CPNE4: variants seen among roughly 807,000 people sequenced by gnomAD.
CPNE4 encodes copine 4.
CPNE4 carries 25 observed loss-of-function variants against 67.9 expected under a neutral mutation model. That is an observed-to-expected ratio of 0.37 (90% CI 0.27 to 0.51). The LOEUF is 0.51. Among genes scored for constraint, CPNE4 ranks in the 20% least tolerant of loss-of-function variants. The pLI, the probability that CPNE4 is intolerant of heterozygous loss-of-function variation, is 0.93. For synonymous variants in CPNE4, 242 were observed against 244.9 expected (o/e 0.99, Z 0.11); for missense variants, 464 against 690.8 (o/e 0.67, Z 3.68).
At chr3:131,744,906 T>C (rs1214297994) in intron 2 of CPNE4, among the ~76,000 whole-genome samples, 1 of 152,190 alleles carries the variant, frequency 6.6e-6, no homozygotes, top group Non-Finnish European at 1.5e-5. Flanking sequence ...TGTCTACAGA[T>C]TTTCTTGTGA....
chr3:131,723,751 G>A, intron 2 of CPNE4, 126 bp from the exon 3 acceptor site: 1 of 794,378 alleles, frequency 1.3e-6, no homozygotes, highest in Non-Finnish European at 2.0e-6. Context: ...GTCATTGGGT[G>A]GGCAGTCCAA....
chr3:132,025,216 C>G (rs1167495687), intron 1 of CPNE4, among the ~76,000 whole-genome samples: 4 of 152,154 alleles, frequency 2.6e-5, no homozygotes, highest in Non-Finnish European at 4.4e-5. Flanking sequence ...TGCTGGCAGC[C>G]TAAGATCCTT....
chr3:131,831,283 T>C (rs2085358785), intron 2 of CPNE4, among the ~76,000 whole-genome samples: 1 of 152,182 alleles, frequency 6.6e-6, no homozygotes, highest in Non-Finnish European at 1.5e-5. Context: ...GCATTGACAT[T>C]ATTTTAAGAA....
At chr3:131,975,623 A>T (rs1316267873) in intron 1 of CPNE4, among the ~76,000 whole-genome samples, 2 of 152,204 alleles carry the variant, frequency 1.3e-5, no homozygotes, top group Middle Eastern at 3.2e-3. Flanking sequence ...ACACCGTGAC[A>T]TTTACACCTA....
At chr3:131,536,819 T>G (rs1248671105) in intron 15 of CPNE4, among the ~76,000 whole-genome samples, 1 of 152,234 alleles carries the variant, frequency 6.6e-6, no homozygotes, top group Non-Finnish European at 1.5e-5. Flanking sequence ...ATGTGTATAC[T>G]GGGGCAGATA....
chr3:131,808,737 T>C (rs1355319414), intron 2 of CPNE4, among the ~76,000 whole-genome samples: 1 of 152,172 alleles, frequency 6.6e-6, no homozygotes, highest in East Asian at 1.9e-4. Flanking sequence ...ATAAACTCAG[T>C]ATTGAGGTTC....
At chr3:131,777,158 T>C (rs1410858143) in intron 2 of CPNE4, among the ~76,000 whole-genome samples, 1 of 152,132 alleles carries the variant, frequency 6.6e-6, no homozygotes, top group East Asian at 1.9e-4. Flanking sequence ...CGTTATCTTA[T>C]GGTTAAAGTG....
chr3:131,799,577 G>A (rs1218895621), intron 2 of CPNE4, among the ~76,000 whole-genome samples: 2 of 152,150 alleles, frequency 1.3e-5, no homozygotes, highest in East Asian at 3.8e-4. Flanking sequence ...ATAAACTGAA[G>A]TAATATTCTT....
chr3:131,750,328 G>T (rs2082594238), intron 2 of CPNE4, among the ~76,000 whole-genome samples: 1 of 151,978 alleles, frequency 6.6e-6, no homozygotes, highest in Non-Finnish European at 1.5e-5. Context: ...TGTAATTATC[G>T]ATATGGTAGA....
At chr3:131,897,089 T>C (rs2088368162) in intron 2 of CPNE4, among the ~76,000 whole-genome samples, 1 of 152,048 alleles carries the variant, frequency 6.6e-6, no homozygotes, top group Non-Finnish European at 1.5e-5. Flanking sequence ...AAGGAATAAT[T>C]TGGATGCCTA....
At chr3:131,860,383 A>G (rs1327150842) in intron 2 of CPNE4, among the ~76,000 whole-genome samples, 2 of 152,164 alleles carry the variant, frequency 1.3e-5, no homozygotes, top group Non-Finnish European at 2.9e-5. Context: ...TCCAAAAACT[A>G]ATTGAGCTCA....
At chr3:131,812,880 G>A (rs1463532591) in intron 2 of CPNE4, among the ~76,000 whole-genome samples, 1 of 152,166 alleles carries the variant, frequency 6.6e-6, no homozygotes, top group East Asian at 1.9e-4. Context: ...ATACATGGAA[G>A]TTCACCAGAA....
chr3:131,993,853 T>C (rs2073231077), intron 1 of CPNE4, among the ~76,000 whole-genome samples: 1 of 135,330 alleles, frequency 7.4e-6, no homozygotes, highest in South Asian at 2.5e-4. Flanking sequence ...GAAAAAGACA[T>C]ACAAATTAGG....
intron 2 of CPNE4, among the ~76,000 whole-genome samples, chr3:131,782,954 G>A (rs1375794463): frequency 6.6e-6 from 1 of 152,002 alleles, no homozygotes; most frequent in African/African-American, 2.4e-5. Context: ...GAGGGGCTCA[G>A]TTATAGTTGT....
At chr3:131,801,372 CATATATATAT>C (rs201764210) in intron 2 of CPNE4, among the ~76,000 whole-genome samples, 1 of 86,212 alleles carries the variant, frequency 1.2e-5, no homozygotes, top group Non-Finnish European at 2.3e-5. Flanking sequence ...ATATATGTAC[CATATATATAT>C]ATATGGTACA....
rs541103792 is a variant in CPNE4, at chr3:131,580,455, T to C, written c.867+1124A>G. ...ATATACATATACATATACATATACA[T>C]ATACACATATATGTATGCCTGTATA... On this transcript the variant is annotated intron_variant, in intron 9 of 15. Coordinates refer to ENST00000429747, the MANE Select transcript of CPNE4 (RefSeq NM_130808.3). Among the ~76,000 whole-genome samples, 114 of 128,310 alleles carry C rather than the reference T, an allele frequency of 8.9e-4. 1 individual carries two copies. The highest frequency in any genetic ancestry group is 3.8e-3 in the Middle Eastern group (1 of 262). 84.2% of individuals were successfully genotyped at this position (128,310 alleles called of 152,430 possible). A position where few individuals can be genotyped will look rare whatever the true frequency, so the allele number is the denominator to read the frequency against.
intron 11 of CPNE4, among the ~76,000 whole-genome samples, chr3:131,559,126 A>G (rs554759044): frequency 1.3e-5 from 2 of 152,154 alleles, no homozygotes; most frequent in East Asian, 3.9e-4. Context: ...CAAGTCAGGT[A>G]GTTGCCAAGT....
At chr3:131,696,980 A>T (rs967837621) in intron 4 of CPNE4, among the ~76,000 whole-genome samples, 2 of 152,210 alleles carry the variant, frequency 1.3e-5, no homozygotes, top group Non-Finnish European at 2.9e-5. Flanking sequence ...AATTACAGAG[A>T]AGGAAAAACA....
chr3:131,790,897 C>T (rs1342852948), intron 2 of CPNE4, among the ~76,000 whole-genome samples: 1 of 152,038 alleles, frequency 6.6e-6, no homozygotes, highest in Admixed American at 6.6e-5. Context: ...TAATACAATA[C>T]AATTTTATGC....
Sources: allele counts gnomAD v4.1 joint callset (sites outside exome capture counted in the v4.1 genomes callset), GRCh38; gene constraint gnomAD v4.1.1; transcripts MANE v1.5; gene names NCBI Gene and HGNC (gene_info 2026-07-23, HGNC 2026-07-21).